NEK10: variants seen among roughly 807,000 people sequenced by gnomAD.
NEK10 encodes the protein NIMA related kinase 10, also known as serine/threonine-protein kinase Nek10.
NEK10 carries 122 observed loss-of-function variants against 159.8 expected under a neutral mutation model. The ratio of observed to expected loss-of-function variants is 0.76; its 90% confidence interval spans 0.66 to 0.89. NEK10 has a LOEUF of 0.89. Among genes scored for constraint, NEK10 ranks in the 40% least tolerant of loss-of-function variants. The pLI is 0.00. For missense variants in NEK10, 1,342 were observed against 1,323.1 expected (o/e 1.01, Z -0.22); for synonymous variants, 466 against 457.1 (o/e 1.02, Z -0.25).
intron 30 of NEK10, among the ~76,000 whole-genome samples, chr3:27,150,119 T>C (rs1944685336): frequency 6.6e-6 from 1 of 152,064 alleles, no homozygotes; most frequent in Non-Finnish European, 1.5e-5. Context: ...AAGCTAGAAG[T>C]AGTAGATGTT....
At chr3:27,297,989 T>C (rs2043489351) in intron 13 of NEK10, among the ~76,000 whole-genome samples, 1 of 152,216 alleles carries the variant, frequency 6.6e-6, no homozygotes, top group Non-Finnish European at 1.5e-5. Flanking sequence ...GATACCATGA[T>C]TATCATCACC....
rs570567339 is a variant in NEK10, at chr3:27,368,031, G to A, written c.-38+1194C>T. ...AGTTTAGCCGGGCACGGTGGCTCAC[G>A]CCTGTAATTCCAGCACTTTGGGAGG... On this transcript the variant is annotated intron_variant, in intron 1 of 35. Coordinates refer to ENST00000691995, the MANE Select transcript of NEK10 (RefSeq NM_001394966.1). 7.2e-5 allele frequency among the ~76,000 whole-genome samples: 11 copies of A among 152,238 alleles called. No homozygotes were observed. The South Asian group carries it at 2.3e-3, about 32-fold the overall frequency.
intron 25 of NEK10, among the ~76,000 whole-genome samples, chr3:27,198,322 A>G (rs1949735941): frequency 7.3e-6 from 1 of 137,370 alleles, no homozygotes; most frequent in African/African-American, 3.2e-5. Flanking sequence ...TAGCCAAGAC[A>G]ATCCTAAGCA....
At chr3:27,215,651 G>A in intron 23 of NEK10, 1 of 575,764 alleles carries the variant, frequency 1.7e-6, no homozygotes, top group Non-Finnish European at 3.1e-6. Flanking sequence ...TTTAAAGAGT[G>A]TATGAATCCG....
intron 28 of NEK10, 65 bp downstream of exon 28, chr3:27,174,374 G>T: frequency 6.2e-7 from 1 of 1,602,292 alleles, no homozygotes; most frequent in Non-Finnish European, 8.5e-7. Flanking sequence ...CTTGACTCAA[G>T]TATGATTTCC....
chr3:27,295,649 A>C lies in NEK10; in HGVS notation c.1272T>G (p.Asn424Lys). Residue 424 changes from asparagine to lysine, a missense_variant, in exon 15 of 36, where the codon AAT becomes AAG. By Grantham distance (94) the Asn-to-Lys change is moderately conservative. Transcript: ENST00000691995. ...TACTTTTTGCTGCATTCTTTTGCTT[A>C]TTTGGTAAAATTAATTTTGCTATTG... ...VYTIAKLILPNKQKNAAKSNL... is the reference protein window; with the variant it reads ...VYTIAKLILPKKQKNAAKSNL... 1 of 1,567,308 alleles carries C rather than the reference A, an allele frequency of 6.4e-7. No homozygotes were observed. The highest frequency in any genetic ancestry group is 8.7e-7 in the Non-Finnish European group (1 of 1,153,504).
At position 27,126,161 on chromosome 3, in the gene NEK10, A is replaced by T. The variant is rs558495986; in HGVS notation, c.3081+5719T>A. Among the ~76,000 whole-genome samples the T allele has an allele frequency of 3.3e-5, 5 of 152,262 alleles. No homozygotes were observed. In the South Asian group the frequency reaches 1.0e-3, roughly 32 times the overall value. On this transcript the variant is annotated intron_variant, in intron 32 of 35. Coordinates refer to ENST00000691995, the MANE Select transcript of NEK10 (RefSeq NM_001394966.1). Reference sequence around the variant, plus strand: ...CTGCCTACTTGGAGAAGAGCTGAAAACCTGGAGTTAGGAATTAAAGGAAGT... The same window carrying T: ...CTGCCTACTTGGAGAAGAGCTGAAATCCTGGAGTTAGGAATTAAAGGAAGT...
At chr3:27,161,197 C>A (rs1945982733) in intron 30 of NEK10, among the ~76,000 whole-genome samples, 1 of 152,168 alleles carries the variant, frequency 6.6e-6, no homozygotes, top group Admixed American at 6.5e-5. Context: ...GTGTTCCATT[C>A]TTGCTGTTGG....
chr3:27,252,651 T>A (rs1014698960), intron 23 of NEK10, among the ~76,000 whole-genome samples: 1 of 151,946 alleles, frequency 6.6e-6, no homozygotes, highest in African/African-American at 2.4e-5. Flanking sequence ...GTACATAGAG[T>A]GTGTAGATCA....
intron 23 of NEK10, among the ~76,000 whole-genome samples, chr3:27,221,772 C>A (rs1489198723): frequency 1.3e-5 from 2 of 152,158 alleles, no homozygotes; most frequent in Non-Finnish European, 2.9e-5. Flanking sequence ...GTCCCTCCAC[C>A]CCCACTAGCC....
chr3:27,213,613 CG>C (rs1056028246), intron 23 of NEK10, among the ~76,000 whole-genome samples: 2 of 152,104 alleles, frequency 1.3e-5, no homozygotes, highest in African/African-American at 4.8e-5. Flanking sequence ...TAGTTCAGGC[CG>C]TGATAGGTAA....
rs1559468481 is a variant in NEK10 at position 27,304,824 on chromosome 3, C to CT, written c.950dup (p.Val318GlyfsTer3). The CT allele has an allele frequency of 6.2e-7, 1 of 1,613,958 alleles. No homozygotes were observed. ...CGCTGGTCTCAGGGTCCTCACAAAC[C>CT]TGTACCAGAATCCAGACAATGCTCC... On this transcript the variant is annotated frameshift_variant, in exon 12 of 36. Transcript: ENST00000691995. LOFTEE classifies it high-confidence loss of function.
In NEK10 at chr3:27,202,547, G is replaced by C. The variant is rs34313679; in HGVS notation, c.2101C>G (p.Leu701Val). The C allele has an allele frequency of 1.5e-3, 2,472 of 1,607,032 alleles. 58 individuals are homozygous for C. In the East Asian group the frequency reaches 0.048, roughly 31 times the overall value. Residue 701 changes from leucine to valine, a missense_variant, in exon 24 of 36, where the codon CTG (leucine) becomes GTG (valine). By Grantham distance (32) the Leu-to-Val change is conservative. Transcript: ENST00000691995. ...TTCTCCCCATACGGCTCACTCTTCA[G>C]TACCTCGGGGCTGAAGTAAAATAAG... ...GTILYSCPEV[L>V]KSEPYGEKAD...
chr3:27,146,577 T>C (rs564318043), intron 30 of NEK10, among the ~76,000 whole-genome samples: 1 of 152,342 alleles, frequency 6.6e-6, no homozygotes, highest in Admixed American at 6.5e-5. Flanking sequence ...CTCTTTACTA[T>C]CATAACAATG....
chr3:27,153,900 A>G (rs1024354286), intron 30 of NEK10, among the ~76,000 whole-genome samples: 2 of 152,228 alleles, frequency 1.3e-5, no homozygotes, highest in Non-Finnish European at 2.9e-5. Flanking sequence ...TCAAGGAACT[A>G]TAGAAACAAG....
At chr3:27,319,968 G>C (rs1319951472) in intron 6 of NEK10, among the ~76,000 whole-genome samples, 2 of 152,194 alleles carry the variant, frequency 1.3e-5, no homozygotes, top group Non-Finnish European at 2.9e-5. Context: ...CATGAAAAAG[G>C]CATGCTGAGA....
intron 23 of NEK10, chr3:27,215,661 G>A (rs142050316): frequency 1.9e-4 from 113 of 596,112 alleles, no homozygotes; most frequent in African/African-American, 1.8e-3. Flanking sequence ...GTATGAATCC[G>A]TTCTTGCACT....
chr3:27,315,816 A>G (rs147375966), intron 6 of NEK10, among the ~76,000 whole-genome samples: 279 of 152,342 alleles, frequency 1.8e-3, no homozygotes, highest in Non-Finnish European at 3.2e-3. Context: ...GCGCCAGAAT[A>G]GAGACACCTC....
chr3:27,247,820 CTTT>C (rs111440414), intron 23 of NEK10, among the ~76,000 whole-genome samples: 1 of 125,920 alleles, frequency 7.9e-6, no homozygotes, highest in Non-Finnish European at 1.7e-5. Flanking sequence ...CTTTTCTTTT[CTTT>C]TTTTTTTTTT....
Sources: allele counts gnomAD v4.1 joint callset (sites outside exome capture counted in the v4.1 genomes callset), GRCh38; gene constraint gnomAD v4.1.1; transcripts MANE v1.5; gene names NCBI Gene and HGNC (gene_info 2026-07-23, HGNC 2026-07-21).